The following PIGN variants were observed in gnomAD, a reference collection of about 807,000 sequenced individuals.
PIGN encodes phosphatidylinositol glycan anchor biosynthesis class N.
A neutral mutation model predicts 125.4 loss-of-function variants in PIGN; 117 were observed. The ratio of observed to expected loss-of-function variants is 0.93; its 90% CI spans 0.80 to 1.09. The LOEUF (loss-of-function observed/expected upper bound fraction) is 1.09. Ranked by LOEUF, PIGN falls within the 50% of genes least tolerant of loss-of-function variation. PIGN has a pLI of 0.00. For synonymous variants in PIGN, 392 were observed against 377.8 expected, an observed-to-expected ratio of 1.04 and a Z score of -0.44; for missense variants, 1,075 against 1,094.9, an observed-to-expected ratio of 0.98 and a Z score of 0.26.
rs1227291198 is a variant in PIGN at position 62,041,807 on chromosome 18, G to A, written c.*4049C>T. 1.3e-5 allele frequency: 2 copies of A among 151,782 alleles called. No homozygotes were observed. Among genetic ancestry groups the A allele is most frequent in the East Asian group, 3.9e-4 (2 of 5,148 alleles). The allele number at this position is 151,782 out of a possible 1,614,324, so 9.4% of individuals were successfully genotyped here. On this transcript the variant is annotated 3_prime_UTR_variant, in exon 31 of 31. Coordinates refer to ENST00000640252, the MANE Select transcript of PIGN (RefSeq NM_176787.5). ...GCCTCCCAAAGTGCTGGAATTACAGGGGTGAGCCACCAAGCCCGGCTTTGG... is the reference window on the plus strand; with the variant it reads ...GCCTCCCAAAGTGCTGGAATTACAGAGGTGAGCCACCAAGCCCGGCTTTGG...
chr18:62,105,973 G>A (rs1192286885), intron 19 of PIGN, among the ~76,000 whole-genome samples: 1 of 152,080 alleles, frequency 6.6e-6, no homozygotes, highest in East Asian at 1.9e-4. Context: ...AATATAAGTA[G>A]TACCAGGTCC....
chr18:62,085,409 A>T, intron 25 of PIGN, 145 bp from the exon 26 acceptor site: 1 of 652,398 alleles, frequency 1.5e-6, no homozygotes, highest in Non-Finnish European at 2.7e-6. Flanking sequence ...ATTCCATTAT[A>T]ACTCCTTGTG....
chr18:62,086,781 C>T (rs941660655), intron 25 of PIGN, among the ~76,000 whole-genome samples: 6 of 152,180 alleles, frequency 3.9e-5, no homozygotes, highest in Non-Finnish European at 7.4e-5. Flanking sequence ...GGAGCCATTT[C>T]AGTAGTCCAT....
rs779787869 is a variant in PIGN at position 62,109,895 on chromosome 18, G to T, written c.1513C>A (p.Pro505Thr). ...AAACCATATACATAATATGTCCAGG[G>T]ACAGGCTTGAATCAGCAGAAAAAAT... The part of the protein sequence containing the change: ...VAFFLLIQAC[P>T]WTYYVYGLLP... Residue 505 changes from proline (P) to threonine (T), a missense_variant, in exon 17 of 31, where the codon CCC becomes ACC. By Grantham distance (38) the Pro-to-Thr change is conservative. This residue lies in a region of PIGN where 915 missense variants were observed against 908.7 expected (regional missense o/e 1.01). Coordinates refer to ENST00000640252, the MANE Select transcript of PIGN (RefSeq NM_176787.5). The T allele has an allele frequency of 6.2e-7, 1 of 1,613,068 alleles. No individual in the cohort carries two copies. Among genetic ancestry groups the T allele is most frequent in the South Asian group, 1.1e-5 (1 of 91,040 alleles).
chr18:62,148,408 C>T lies in PIGN; in HGVS notation c.550-70G>A, dbSNP rs888155973. ...ATTTTAAAAATAATACTGATGAAAA[C>T]ATTTAAATTTATGCATAAGTACAAA... On this transcript the variant is annotated intron_variant, in intron 7 of 30. Coordinates refer to ENST00000640252, the MANE Select transcript of PIGN (RefSeq NM_176787.5). The T allele has an allele frequency of 3.7e-6, 4 of 1,095,766 alleles. No individual in the cohort carries two copies. In the African/African-American group the frequency reaches 6.5e-5, roughly 18 times the overall value. 67.9% of individuals were successfully genotyped at this position (1,095,766 alleles called of 1,614,324 possible).
At chr18:62,157,010 T>C in intron 6 of PIGN, 119 bp downstream of exon 6, 1 of 529,134 alleles carries the variant, frequency 1.9e-6, no homozygotes, top group Non-Finnish European at 3.3e-6. Flanking sequence ...TCAGAAATGT[T>C]AAAAATGTAA....
chr18:62,131,486 C>T (rs1269033628), intron 14 of PIGN, among the ~76,000 whole-genome samples: 2 of 152,062 alleles, frequency 1.3e-5, no homozygotes, highest in South Asian at 2.1e-4. Context: ...TATGCCTCTC[C>T]TGGTCATGTA....
rs62096630 is a variant in PIGN, at chr18:62,041,780, C to G, written c.*4076G>C. On this transcript the variant is annotated 3_prime_UTR_variant, in exon 31 of 31. Transcript: ENST00000640252. ...CTGACCTCAAGTGATCCACCCACCT[C>G]GGCCTCCCAAAGTGCTGGAATTACA... 6.6e-6 allele frequency: 1 copy of G among 150,550 alleles called. No individual in the cohort carries two copies. Among genetic ancestry groups the G allele is most frequent in the Admixed American group, 6.6e-5 (1 of 15,090 alleles). 9.3% of individuals were successfully genotyped at this position (150,550 alleles called of 1,614,324 possible).
At chr18:62,131,322 T>C (rs971073900) in intron 14 of PIGN, among the ~76,000 whole-genome samples, 4 of 152,184 alleles carry the variant, frequency 2.6e-5, no homozygotes, top group African/African-American at 9.6e-5. Context: ...TCCGTATTCT[T>C]CCCCCTAAGA....
chr18:62,046,771 T>A (rs2030744365), intron 30 of PIGN, among the ~76,000 whole-genome samples: 1 of 152,126 alleles, frequency 6.6e-6, no homozygotes, highest in Non-Finnish European at 1.5e-5. Context: ...TCAGTACAGA[T>A]GCAATTAAAA....
chr18:62,079,983 T>C (rs1599470042), intron 28 of PIGN, among the ~76,000 whole-genome samples: 1 of 152,150 alleles, frequency 6.6e-6, no homozygotes, highest in Non-Finnish European at 1.5e-5. Flanking sequence ...TTCCTAAATA[T>C]GTGAGCAAAA....
intron 7 of PIGN, among the ~76,000 whole-genome samples, chr18:62,152,291 C>CT (rs906586965): frequency 6.1e-5 from 9 of 147,808 alleles, no homozygotes; most frequent in South Asian, 4.3e-4. Context: ...TAAAATGTTT[C>CT]TTTTTTTTTT....
In PIGN at chr18:62,090,003, A is replaced by C. The variant is rs1310065587; in HGVS notation, c.2283+473T>G. The stretch of plus-strand genomic sequence containing the variant: ...TAAGATTTGGACTGAGGCCACAATC[A>C]TTAAGGCAGCAGAATAAGCAATTTG... On this transcript the variant is annotated intron_variant, in intron 24 of 30. Coordinates refer to ENST00000640252, the MANE Select transcript of PIGN (RefSeq NM_176787.5). Among the ~76,000 whole-genome samples the C allele has an allele frequency of 2.6e-5, 4 of 152,304 alleles. No homozygotes were observed. In the East Asian group the frequency reaches 7.7e-4, roughly 29 times the overall value.
rs2144937121 is a variant in PIGN, at chr18:62,042,000, A to C, written c.*3856T>G. 1 of 152,276 alleles carries C rather than the reference A, an allele frequency of 6.6e-6. No individual in the cohort carries two copies. The highest frequency in any genetic ancestry group is 1.9e-4 in the East Asian group (1 of 5,180). 9.4% of individuals were successfully genotyped at this position (152,276 alleles called of 1,614,324 possible). ...TATACCTATTTAAGGTGGTTTGACT[A>C]GATGTTTCTCAAATATATTTAATTA... On this transcript the variant is annotated 3_prime_UTR_variant, in exon 31 of 31. Coordinates refer to ENST00000640252, the MANE Select transcript of PIGN (RefSeq NM_176787.5).
At chr18:62,185,764 G>A (rs1301895368) in intron 1 of PIGN, among the ~76,000 whole-genome samples, 1 of 80,224 alleles carries the variant, frequency 1.2e-5, no homozygotes, top group African/African-American at 3.8e-5. Flanking sequence ...TGTATTGACT[G>A]GAAATTCCTT....
chr18:62,076,179 C>T (rs2033163356), intron 28 of PIGN, among the ~76,000 whole-genome samples: 2 of 152,128 alleles, frequency 1.3e-5, no homozygotes, highest in Non-Finnish European at 2.9e-5. Flanking sequence ...CGTATCCGCC[C>T]GCCTCGGCCT....
rs1568164005 is a variant in PIGN at position 62,090,584 on chromosome 18, AGGTG to A, written c.2181-10_2181-7del. ...GTGGAAAGAGAGCTTCATACCTAAC[AGGTG>A]GGGAAAGGTAGAAATGAAAAGAAAA... On this transcript the variant is annotated splice_polypyrimidine_tract_variant and splice_region_variant and intron_variant, in intron 23 of 30. Coordinates refer to ENST00000640252, the MANE Select transcript of PIGN (RefSeq NM_176787.5). 21 of 1,505,162 alleles carry A rather than the reference AGGTG, an allele frequency of 1.4e-5. No homozygotes were observed. The highest frequency in any genetic ancestry group is 1.9e-5 in the Non-Finnish European group (21 of 1,087,222). The allele number at this position is 1,505,162 out of a possible 1,614,324, so 93.2% of individuals were successfully genotyped here. A position where few individuals can be genotyped will look rare whatever the true frequency, so the allele number is the denominator to read the frequency against.
At chr18:62,032,399 C>T (rs1053177687) in intron 23 of PIGN, among the ~76,000 whole-genome samples, 4 of 152,210 alleles carry the variant, frequency 2.6e-5, no homozygotes, top group African/African-American at 4.8e-5. Context: ...CCATCTGGAA[C>T]GCAGCTGGCA....
intron 7 of PIGN, among the ~76,000 whole-genome samples, chr18:62,149,624 TA>T (rs2036459826): frequency 6.6e-6 from 1 of 152,202 alleles, no homozygotes; most frequent in East Asian, 1.9e-4. Flanking sequence ...TATGTGGATC[TA>T]AGGCTTTTTG....
Sources: gnomAD v4.1 joint callset for allele counts (sites outside exome capture counted in the v4.1 genomes callset) on GRCh38, gnomAD v4.1.1 for gene constraint, gnomAD v4.1.1 regional missense constraint, MANE v1.5 for transcripts, NCBI Gene and HGNC (gene_info 2026-07-23, HGNC 2026-07-21) for gene names.